VWCE: variants seen among roughly 807,000 people sequenced by gnomAD.
VWCE encodes the protein von Willebrand factor C and EGF domain-containing protein.
Under a neutral mutation model 102.9 loss-of-function variants are expected in VWCE, and 68 were observed. The observed-to-expected ratio is 0.66, with a 90% CI of 0.54 to 0.81. VWCE has a LOEUF of 0.81. Ranked by LOEUF, VWCE falls within the 30% of genes least tolerant of loss-of-function variation. The pLI, the probability that VWCE is intolerant of heterozygous loss-of-function variation, is 0.00. For synonymous variants in VWCE, 497 were observed against 515.4 expected, an observed-to-expected ratio of 0.96 and a Z score of 0.48; for missense variants, 1,137 against 1,263.6, an observed-to-expected ratio of 0.90 and a Z score of 1.52.
rs1854715113 is a variant in VWCE, at chr11:61,271,823, C to T, written c.1700-63G>A. On this transcript the variant is annotated intron_variant, in intron 13 of 19. Coordinates refer to ENST00000335613, the MANE Select transcript of VWCE (RefSeq NM_152718.2). ...ACCTAGACTACAACAGCAGCAAGGA[C>T]AGATGCCTCATGCGCACAAACACAC... The T allele has an allele frequency of 4.1e-6, 6 of 1,449,836 alleles. No homozygotes were observed. The South Asian group carries it at 5.9e-5, about 14-fold the overall frequency. The allele number at this position is 1,449,836 out of a possible 1,614,324, so 89.8% of individuals were successfully genotyped here. A position where few individuals can be genotyped will look rare whatever the true frequency, so the allele number is the denominator to read the frequency against.
intron 7 of VWCE, 72 bp from the exon 8 acceptor site, chr11:61,281,307 C>A (rs2134815788): frequency 6.4e-7 from 1 of 1,552,912 alleles, no homozygotes. Flanking sequence ...GAGACCTGGG[C>A]TCGGCTCCAC....
At chr11:61,261,714 G>C (rs1041777956) in intron 19 of VWCE, among the ~76,000 whole-genome samples, 7 of 151,856 alleles carry the variant, frequency 4.6e-5, no homozygotes, top group African/African-American at 1.7e-4. Context: ...ACTGAAGTAG[G>C]AGGATTGCTT....
intron 11 of VWCE, among the ~76,000 whole-genome samples, chr11:61,275,256 C>T (rs534463921): frequency 7.2e-5 from 11 of 152,270 alleles, no homozygotes; most frequent in African/African-American, 2.6e-4. Flanking sequence ...TGGGGAGAGG[C>T]TTTGATTTGA....
At chr11:61,260,711 T>A (rs913430129) in intron 19 of VWCE, among the ~76,000 whole-genome samples, 1 of 152,056 alleles carries the variant, frequency 6.6e-6, no homozygotes, top group African/African-American at 2.4e-5. Flanking sequence ...TCTAAGTAAA[T>A]CCCTATTTTT....
In VWCE at chr11:61,290,881, G is replaced by A. The variant is rs748806365; in HGVS notation, c.342C>T (p.Asn114=). 1 of 1,613,890 alleles carries A rather than the reference G, an allele frequency of 6.2e-7. No individual in the cohort carries two copies. Among genetic ancestry groups the A allele is most frequent in the Non-Finnish European group, 8.5e-7 (1 of 1,180,014 alleles). Reference sequence around the variant, plus strand: ...GGGCCACCTCCTGACAGCCTCCATGGTTGCAGGTAAGGTCACAGCCGTACT... The same window carrying A: ...GGGCCACCTCCTGACAGCCTCCATGATTGCAGGTAAGGTCACAGCCGTACT... ...CGEYGCDLTC[N]HGGCQEVARV... is the part of the protein sequence containing the mutation. The change falls in exon 4 of 20, where the codon AAC becomes AAT. Residue 114 remains asparagine (N), a synonymous_variant. Transcript: ENST00000335613.
chr11:61,258,768 G>A lies in VWCE; in HGVS notation c.2775C>T (p.Thr925=). ...CTGCAAGGGCTGTGGAGAGTCTAGA[G>A]GTGGTGGGAGAAAGCACGCGAGGCC... The part of the protein sequence containing the change: ...LLGPRVLSPT[T]SRLSTALAAT... The change falls in exon 20 of 20, where the codon ACC becomes ACT. Residue 925 remains threonine (T), a synonymous_variant. Transcript: ENST00000335613. 6.7e-7 allele frequency: 1 copy of A among 1,493,634 alleles called. No individual in the cohort carries two copies. The highest frequency in any genetic ancestry group is 1.5e-5 in the South Asian group (1 of 68,318). The allele number at this position is 1,493,634 out of a possible 1,614,324, so 92.5% of individuals were successfully genotyped here.
chr11:61,281,289 G>C (rs1393748777), intron 7 of VWCE, 54 bp from the exon 8 acceptor site: 15 of 1,601,112 alleles, frequency 9.4e-6, no homozygotes, highest in Non-Finnish European at 1.3e-5. Flanking sequence ...CAGGAGGCAG[G>C]GTTTAGGGAG....
chr11:61,279,475 T>C (rs1047329917), intron 9 of VWCE, among the ~76,000 whole-genome samples: 3 of 151,740 alleles, frequency 2.0e-5, no homozygotes, highest in Non-Finnish European at 2.9e-5. Context: ...CTTGGGAGGA[T>C]TGCTTAAACC....
chr11:61,266,513 A>G (rs1854517537), intron 16 of VWCE, among the ~76,000 whole-genome samples: 1 of 152,078 alleles, frequency 6.6e-6, no homozygotes, highest in Non-Finnish European at 1.5e-5. Flanking sequence ...ACGCTACTGC[A>G]CTTCAACCTG....
chr11:61,272,103 AAC>A (rs200597320), intron 13 of VWCE, among the ~76,000 whole-genome samples: 1 of 152,102 alleles, frequency 6.6e-6, no homozygotes, highest in African/African-American at 2.4e-5. Flanking sequence ...ACACAGATAC[AAC>A]ACAGACACAC....
In VWCE at chr11:61,258,721, T is replaced by TG; in HGVS notation, c.2821dup (p.Gln941ProfsTer80). The TG allele has an allele frequency of 7.2e-7, 1 of 1,391,298 alleles. No homozygotes were observed. The allele number at this position is 1,391,298 out of a possible 1,614,324, so 86.2% of individuals were successfully genotyped here. A position where few individuals can be genotyped will look rare whatever the true frequency, so the allele number is the denominator to read the frequency against. On this transcript the variant is annotated frameshift_variant, in exon 20 of 20. Transcript: ENST00000335613. LOFTEE classifies it low-confidence loss of function (END_TRUNC). ...CCGAGAAGCCCCCACTGGGGGCTGC[T>TG]GGGGGCCAGGGTGGGTGGTGGCTGC...
rs1354259332 is a variant in VWCE at position 61,281,786 on chromosome 11, C to G, written c.787G>C (p.Ala263Pro). The change falls in exon 7 of 20, where the codon GCT becomes CCT. Residue 263 changes from alanine (A) to proline (P), a missense_variant and splice_region_variant. Coordinates refer to ENST00000335613, the MANE Select transcript of VWCE (RefSeq NM_152718.2). ...RLRADRVSCE[A>P]FPKAVLAPSA... The stretch of plus-strand genomic sequence containing the variant: ...CGGGATGGAGGGGCCTGGCGCTCAC[C>G]TTCACAGGACACGCGGTCAGCTCGG... 4 of 1,610,896 alleles carry G rather than the reference C, an allele frequency of 2.5e-6. No homozygotes were observed. The highest frequency in any genetic ancestry group is 3.4e-6 in the Non-Finnish European group (4 of 1,178,232).
intron 5 of VWCE, among the ~76,000 whole-genome samples, chr11:61,284,497 C>G (rs1209425689): frequency 6.6e-6 from 1 of 152,170 alleles, no homozygotes; most frequent in East Asian, 1.9e-4. Flanking sequence ...GTGCTATGGA[C>G]TAAACTCTGT....
intron 5 of VWCE, among the ~76,000 whole-genome samples, chr11:61,283,368 C>T (rs1264199575): frequency 6.6e-6 from 1 of 152,184 alleles, no homozygotes; most frequent in East Asian, 1.9e-4. Flanking sequence ...TGCCCACCTC[C>T]TTCCTTGCCC....
chr11:61,264,363 G>C (rs1453222871), intron 19 of VWCE, 124 bp downstream of exon 19: 18 of 953,772 alleles, frequency 1.9e-5, no homozygotes, highest in Non-Finnish European at 4.8e-6. Flanking sequence ...CCTTGCGCGA[G>C]CCGTGTTCCC....
intron 13 of VWCE, among the ~76,000 whole-genome samples, chr11:61,272,813 A>C (rs1854763696): frequency 6.6e-6 from 1 of 151,574 alleles, no homozygotes; most frequent in Admixed American, 6.6e-5. Flanking sequence ...ATATGCAGAC[A>C]CAACAGACAC....
chr11:61,269,594 C>T (rs1280374053), intron 14 of VWCE, among the ~76,000 whole-genome samples: 3 of 151,682 alleles, frequency 2.0e-5, no homozygotes, highest in East Asian at 3.9e-4. Flanking sequence ...TACAAGCATG[C>T]GCCACCACGC....
Position 61,294,932 on chromosome 11 carries a change from C to A in VWCE, c.106G>T (p.Glu36Ter). Reference protein sequence around the residue: ...GRKPPGHFAAERRRLGPHVCL... With the variant: ...GRKPPGHFAA ...GGAGGAGCTCCGGGCGCTTACCTCTCGGCCGCGAAGTGCCCGGGCGGCTTC... is the reference window on the plus strand; with the variant it reads ...GGAGGAGCTCCGGGCGCTTACCTCTAGGCCGCGAAGTGCCCGGGCGGCTTC... The change falls in exon 1 of 20, where the codon GAG becomes TAG. Residue 36 changes from glutamate to a stop codon, truncating the protein, a stop_gained. Coordinates refer to ENST00000335613, the MANE Select transcript of VWCE (RefSeq NM_152718.2). LOFTEE classifies it high-confidence loss of function. The surrounding 1 kb of genome is among the most constrained non-coding windows in gnomAD (Gnocchi z 6.3). 1 of 1,429,692 alleles carries A rather than the reference C, an allele frequency of 7.0e-7. No homozygotes were observed. The highest frequency in any genetic ancestry group is 9.2e-7 in the Non-Finnish European group (1 of 1,088,716). 88.6% of individuals were successfully genotyped at this position (1,429,692 alleles called of 1,614,324 possible). A position where few individuals can be genotyped will look rare whatever the true frequency, so the allele number is the denominator to read the frequency against.
rs1350156129 is a variant in VWCE at position 61,282,910 on chromosome 11, C to A, written c.542-5G>T. The A allele has an allele frequency of 1.2e-6, 2 of 1,611,998 alleles. No individual in the cohort carries two copies. The highest frequency in any genetic ancestry group is 2.7e-5 in the African/African-American group (2 of 75,012). ...TCCCTAGGCATTCGTCAGTGTCTGG[C>A]AGGAAAAGGGACAAGACTGGGGTTC... On this transcript the variant is annotated splice_polypyrimidine_tract_variant and splice_region_variant and intron_variant, in intron 5 of 19. Coordinates refer to ENST00000335613, the MANE Select transcript of VWCE (RefSeq NM_152718.2).
Sources: allele counts gnomAD v4.1 joint callset (sites outside exome capture counted in the v4.1 genomes callset), GRCh38; gene constraint gnomAD v4.1.1; non-coding constraint Gnocchi (gnomAD v3.1); transcripts MANE v1.5; gene names NCBI Gene and HGNC (gene_info 2026-07-23, HGNC 2026-07-21).